The following XPO5 variants were observed in gnomAD, a reference collection of about 807,000 sequenced individuals.
The protein encoded by XPO5 is exportin 5, also known as exportin-5.
A neutral mutation model predicts 160.6 loss-of-function variants in XPO5; 46 were observed. The observed-to-expected ratio is 0.29, with a 90% CI of 0.23 to 0.37. The LOEUF (loss-of-function observed/expected upper bound fraction) is 0.37, where lower values mean the gene tolerates loss of function less well. XPO5 is among the 10% of genes least tolerant of loss of function. The pLI, the probability that XPO5 is intolerant of heterozygous loss-of-function variation, is 1.00. For synonymous variants in XPO5, 537 were observed against 519.3 expected, an observed-to-expected ratio of 1.03 and a Z score of -0.46; for missense variants, 1,090 against 1,463.9, an observed-to-expected ratio of 0.74 and a Z score of 4.17.
chr6:43,559,617 T>G (rs1014926861), intron 11 of XPO5, among the ~76,000 whole-genome samples: 1 of 152,242 alleles, frequency 6.6e-6, no homozygotes, highest in Non-Finnish European at 1.5e-5. Flanking sequence ...TTTTAACCCC[T>G]GAATAGCAAT....
In XPO5 at chr6:43,546,666, AAATCC is replaced by A. The variant is rs1794978250; in HGVS notation, c.2242_2246del (p.Gly748CysfsTer14). The stretch of plus-strand genomic sequence containing the variant: ...TTCCACTGGATGTATAACCCACCAC[AAATCC>A]CCCAGCTTTGGCCTCTTCTAGGTCA... On this transcript the variant is annotated frameshift_variant, in exon 20 of 32. Coordinates refer to ENST00000265351, the MANE Select transcript of XPO5 (RefSeq NM_020750.3). LOFTEE classifies it high-confidence loss of function. 6.2e-7 allele frequency: 1 copy of A among 1,613,750 alleles called. No homozygotes were observed. Among genetic ancestry groups the A allele is most frequent in the Admixed American group, 1.7e-5 (1 of 59,990 alleles).
chr6:43,539,830 T>C (rs1794591402), intron 20 of XPO5: 1 of 526,318 alleles, frequency 1.9e-6, no homozygotes, highest in Non-Finnish European at 3.3e-6. Context: ...CCTGGAGTTT[T>C]TTGGTCTAAT....
In XPO5 at chr6:43,527,611, C is replaced by A. The variant is rs759050729; in HGVS notation, c.2920+23G>T. 4.3e-6 allele frequency: 7 copies of A among 1,612,470 alleles called. No homozygotes were observed. In the East Asian group the frequency reaches 1.6e-4, roughly 36 times the overall value. On this transcript the variant is annotated intron_variant, in intron 26 of 31. Coordinates refer to ENST00000265351, the MANE Select transcript of XPO5 (RefSeq NM_020750.3). ...TTCTTCCAGGAAAATCCTCTATAGCCCCAGTTTCGACATGCCACTTACTGA... is the reference window on the plus strand; with the variant it reads ...TTCTTCCAGGAAAATCCTCTATAGCACCAGTTTCGACATGCCACTTACTGA...
At chr6:43,539,141 C>A in intron 20 of XPO5, 4 of 1,158,844 alleles carry the variant, frequency 3.5e-6, no homozygotes, top group Non-Finnish European at 5.0e-6. Context: ...CACAGAGCCA[C>A]GGCGGCCTGT....
Position 43,549,888 on chromosome 6 carries a change from C to A in XPO5, c.1770+5G>T. 6.2e-7 allele frequency: 1 copy of A among 1,608,912 alleles called. No individual in the cohort carries two copies. Among genetic ancestry groups the A allele is most frequent in the South Asian group, 1.1e-5 (1 of 90,116 alleles). ...AGAATCTATTGGTTTAATTAATGGT[C>A]TTACCTTACTTTCTTCAACAGTTTC... is the stretch of plus-strand genomic sequence containing the variant. On this transcript the variant is annotated splice_donor_5th_base_variant and intron_variant, in intron 16 of 31. Coordinates refer to ENST00000265351, the MANE Select transcript of XPO5 (RefSeq NM_020750.3).
Position 43,572,522 on chromosome 6 carries a change from A to G in XPO5, c.284T>C (p.Met95Thr). ...LEKVYLKNSV[M>T]ELIANGTLNI... The stretch of plus-strand genomic sequence containing the variant: ...ATTCCTTACATTTGCAATCAGCTCC[A>G]TGACACTGTTCTTCAGATACACCTT... Residue 95 changes from methionine (M) to threonine (T), a missense_variant, in exon 3 of 32, where the codon ATG (methionine) becomes ACG (threonine). By Grantham distance (81) the Met-to-Thr change is moderately conservative. This residue lies in a region of XPO5 where 170 missense variants were observed against 227.0 expected (regional missense o/e 0.75). Coordinates refer to ENST00000265351, the MANE Select transcript of XPO5 (RefSeq NM_020750.3). 1 of 1,613,984 alleles carries G rather than the reference A, an allele frequency of 6.2e-7. No individual in the cohort carries two copies. The highest frequency in any genetic ancestry group is 8.5e-7 in the Non-Finnish European group (1 of 1,179,898).
At chr6:43,574,439 C>G (rs1763185563) in intron 1 of XPO5, among the ~76,000 whole-genome samples, 1 of 150,380 alleles carries the variant, frequency 6.6e-6, no homozygotes, top group Non-Finnish European at 1.5e-5. Context: ...AAAAGTTACA[C>G]ATATATAACA....
At chr6:43,525,815 G>A (rs1382661667) in intron 28 of XPO5, 24 bp downstream of exon 28, 5 of 1,613,246 alleles carry the variant, frequency 3.1e-6, no homozygotes, top group Non-Finnish European at 4.2e-6. Flanking sequence ...AGGAGTAAAG[G>A]TATCACCTGC....
intron 14 of XPO5, among the ~76,000 whole-genome samples, chr6:43,552,361 CTTTTT>C (rs950632028): frequency 1.3e-5 from 2 of 150,986 alleles, no homozygotes; most frequent in African/African-American, 4.9e-5. Flanking sequence ...CCACCCTTTT[CTTTTT>C]TTTTAAGACA....
intron 13 of XPO5, among the ~76,000 whole-genome samples, chr6:43,553,886 T>C (rs917864058): frequency 2.0e-5 from 3 of 152,174 alleles, no homozygotes; most frequent in Non-Finnish European, 2.9e-5. Context: ...TCCCCCTTTA[T>C]AATCTTTTCC....
intron 4 of XPO5, 80 bp from the exon 5 acceptor site, chr6:43,570,764 C>CA (rs202021212): frequency 0.075 from 66,506 of 892,540 alleles, 1 homozygote; most frequent in South Asian, 0.097. Flanking sequence ...TTTCTGTTGC[C>CA]AAAAAAAAAA....
intron 3 of XPO5, among the ~76,000 whole-genome samples, chr6:43,572,133 C>T (rs905438939): frequency 2.0e-5 from 3 of 152,162 alleles, no homozygotes; most frequent in Non-Finnish European, 4.4e-5. Flanking sequence ...GCTGGAGTGC[C>T]ATGGCACCAT....
rs114992664 is a variant in XPO5 at position 43,565,985 on chromosome 6, G to A, written c.835-249C>T. ...TAAATGTGTTCGGCAGGCCGAGTGCGGTGGCTCATGCCTGTAATCCCAGCA... is the reference window on the plus strand; with the variant it reads ...TAAATGTGTTCGGCAGGCCGAGTGCAGTGGCTCATGCCTGTAATCCCAGCA... On this transcript the variant is annotated intron_variant, in intron 7 of 31. Transcript: ENST00000265351. 6.8e-3 allele frequency among the ~76,000 whole-genome samples: 1,037 copies of A among 152,170 alleles called. 5 individuals are homozygous for A. Among genetic ancestry groups the A allele is most frequent in the Middle Eastern group, 0.017 (5 of 294 alleles).
At chr6:43,529,194 GAAGGAGGACATCCTTGT>G in intron 23 of XPO5, 1 of 1,448,212 alleles carries the variant, frequency 6.9e-7, no homozygotes, top group Non-Finnish European at 9.3e-7. Context: ...AAAAAAATAG[GAAGGAGGACATCCTTGT>G]AACAAACTCT....
At chr6:43,539,814 T>G in intron 20 of XPO5, 1 of 540,984 alleles carries the variant, frequency 1.8e-6, no homozygotes, top group Non-Finnish European at 3.2e-6. Flanking sequence ...TGTAAAATCA[T>G]TTAGGCCTGG....
chr6:43,570,706 AG>A (rs747537879), intron 4 of XPO5, 22 bp from the exon 5 acceptor site: 2 of 1,567,222 alleles, frequency 1.3e-6, no homozygotes, highest in Admixed American at 4.1e-5. Context: ...GAAATAAGCT[AG>A]TTAAAAACTA....
At chr6:43,531,729 C>T (rs1303362277) in intron 21 of XPO5, among the ~76,000 whole-genome samples, 154 bp from the exon 22 acceptor site, 2 of 152,064 alleles carry the variant, frequency 1.3e-5, no homozygotes, top group African/African-American at 4.8e-5. Context: ...TTGCTGCACT[C>T]TTTTGGTAGG....
chr6:43,529,423 G>T (rs915623192), intron 23 of XPO5: 1 of 345,430 alleles, frequency 2.9e-6, no homozygotes, highest in African/African-American at 2.3e-5. Flanking sequence ...GCATGGGGGC[G>T]AGCGCCTGTA....
intron 5 of XPO5, among the ~76,000 whole-genome samples, chr6:43,570,030 T>TTA (rs1438185287): frequency 2.8e-4 from 36 of 129,190 alleles, no homozygotes; most frequent in African/African-American, 1.0e-3. Flanking sequence ...TTTTTTTTTT[T>TTA]AAAAAAGGCC....
Sources: gnomAD v4.1 joint callset for allele counts (sites outside exome capture counted in the v4.1 genomes callset) on GRCh38, gnomAD v4.1.1 for gene constraint, gnomAD v4.1.1 regional missense constraint, MANE v1.5 for transcripts, NCBI Gene and HGNC (gene_info 2026-07-23, HGNC 2026-07-21) for gene names.